GRPEL1: variants seen among roughly 807,000 people sequenced by gnomAD.
GRPEL1 encodes GrpE like 1, mitochondrial.
GRPEL1 carries 13 observed loss-of-function variants against 22.1 expected under a neutral mutation model. The ratio of observed to expected loss-of-function variants is 0.59; its 90% CI spans 0.38 to 0.94. The LOEUF is 0.94. GRPEL1 is among the 40% of genes least tolerant of loss of function. The pLI, the probability that GRPEL1 is intolerant of heterozygous loss-of-function variation, is 0.00. For synonymous variants in GRPEL1, 109 were observed against 105.3 expected (o/e 1.03, Z -0.21); for missense variants, 289 against 264.6 (o/e 1.09, Z -0.64).
At chr4:7,066,156 A>G (rs1471230484) in intron 1 of GRPEL1, among the ~76,000 whole-genome samples, 1 of 152,202 alleles carries the variant, frequency 6.6e-6, no homozygotes, top group Non-Finnish European at 1.5e-5. Flanking sequence ...TCTGAGAATA[A>G]GCTACATTCA....
intron 2 of GRPEL1, among the ~76,000 whole-genome samples, chr4:7,063,843 C>G (rs532523476): frequency 3.2e-4 from 48 of 152,304 alleles, no homozygotes; most frequent in Non-Finnish European, 5.9e-4. Flanking sequence ...CAAATAACAG[C>G]GTGTAAAGAT....
At position 7,064,714 on chromosome 4, in the gene GRPEL1, G is replaced by A. The variant is rs186384729; in HGVS notation, c.63-491C>T. Among the ~76,000 whole-genome samples, 355 of 152,260 alleles carry A rather than the reference G, an allele frequency of 2.3e-3. 2 individuals are homozygous for A. Among genetic ancestry groups the A allele is most frequent in the Admixed American group, 3.4e-3 (52 of 15,302 alleles). ...GGGTTTCACTATGTTGGCCAGGCTA[G>A]TCTTGATATCCTGACCTTAAGTGAT... On this transcript the variant is annotated intron_variant, in intron 1 of 3. Transcript: ENST00000264954.
chr4:7,066,429 G>T (rs999619947), intron 1 of GRPEL1, among the ~76,000 whole-genome samples: 1 of 152,180 alleles, frequency 6.6e-6, no homozygotes, highest in East Asian at 1.9e-4. Flanking sequence ...CACAAAACAG[G>T]ATCCTATTTT....
chr4:7,060,684 C>G lies in GRPEL1; in HGVS notation c.*178G>C. The G allele has an allele frequency of 3.1e-6, 2 of 641,474 alleles. No homozygotes were observed. The highest frequency in any genetic ancestry group is 2.6e-5 in the East Asian group (1 of 38,262). 39.7% of individuals were successfully genotyped at this position (641,474 alleles called of 1,614,324 possible). On this transcript the variant is annotated 3_prime_UTR_variant, in exon 4 of 4. Transcript: ENST00000264954. ...GCGTGGCACTAAAAGGGAACAGACT[C>G]CCGAATTAGAGTTCATTAATGCAGT...
rs747437741 is a variant in GRPEL1 at position 7,064,251 on chromosome 4, G to A, written c.63-28C>T. On this transcript the variant is annotated intron_variant, in intron 1 of 3. Coordinates refer to ENST00000264954, the MANE Select transcript of GRPEL1 (RefSeq NM_025196.4). ...ACAGGGAAGTCCACACGTGAGAAACGAAGACTTAGTTTTTGTGCTTATTAA... is the reference window on the plus strand; with the variant it reads ...ACAGGGAAGTCCACACGTGAGAAACAAAGACTTAGTTTTTGTGCTTATTAA... The A allele has an allele frequency of 1.2e-5, 19 of 1,587,072 alleles. No individual in the cohort carries two copies. In the Admixed American group the frequency reaches 2.9e-4, roughly 24 times the overall value.
intron 1 of GRPEL1, 153 bp from the exon 2 acceptor site, chr4:7,064,376 C>T (rs777641255): frequency 2.0e-5 from 13 of 656,276 alleles, no homozygotes; most frequent in East Asian, 8.6e-5. Flanking sequence ...GCACACTGTA[C>T]GTGACATATA....
Position 7,064,111 on chromosome 4 carries a change from T to C in GRPEL1, c.175A>G (p.Thr59Ala). 1 of 1,614,100 alleles carries C rather than the reference T, an allele frequency of 6.2e-7. No individual in the cohort carries two copies. The highest frequency in any genetic ancestry group is 8.5e-7 in the Non-Finnish European group (1 of 1,180,008). Residue 59 changes from threonine (T) to alanine (A), a missense_variant, in exon 2 of 4, where the codon ACC becomes GCC. Transcript: ENST00000264954. ...QKADPPATEK[T>A]LLEEKVKLEE... ...AACTTGACCTTCTCTTCCAGGAGGG[T>C]CTTCTCTGTAGCAGGAGGATCTGCC... is the stretch of plus-strand genomic sequence containing the variant.
chr4:7,065,740 G>A (rs1484052315), intron 1 of GRPEL1, among the ~76,000 whole-genome samples: 1 of 152,046 alleles, frequency 6.6e-6, no homozygotes, highest in Non-Finnish European at 1.5e-5. Context: ...GAAAGCATGG[G>A]ATATGTACCG....
chr4:7,062,406 C>A lies in GRPEL1; in HGVS notation c.286G>T (p.Val96Leu), dbSNP rs1435770694. The change falls in exon 3 of 4, where the codon GTG (valine) becomes TTG (leucine). Residue 96 changes from valine (V) to leucine (L), a missense_variant. By Grantham distance (32) the Val-to-Leu change is conservative (BLOSUM62 1). Coordinates refer to ENST00000264954, the MANE Select transcript of GRPEL1 (RefSeq NM_025196.4). The part of the protein sequence containing the change: ...ENLRQRSQKL[V>L]EEAKLYGIQA... ...GTACCGTATAATTTTGCCTCCTCCA[C>A]CAATTTCTGGCTCCTCTGCCGTAAG... 2.5e-6 allele frequency: 4 copies of A among 1,592,458 alleles called. No individual in the cohort carries two copies. Among genetic ancestry groups the A allele is most frequent in the Non-Finnish European group, 3.4e-6 (4 of 1,163,664 alleles).
Position 7,059,412 on chromosome 4 carries a change from G to A in GRPEL1, c.*1450C>T, listed in dbSNP as rs539710202. ...ACTTTTCTTAGCCTCCATTTAACTC[G>A]GGAGCTCCAGGGGTGATGATGCACT... On this transcript the variant is annotated 3_prime_UTR_variant, in exon 4 of 4. Transcript: ENST00000264954. 6.6e-6 allele frequency: 1 copy of A among 152,128 alleles called. No individual in the cohort carries two copies. Among genetic ancestry groups the A allele is most frequent in the Admixed American group, 6.5e-5 (1 of 15,284 alleles). The allele number at this position is 152,128 out of a possible 1,614,324, so 9.4% of individuals were successfully genotyped here.
Position 7,064,114 on chromosome 4 carries a change from T to C in GRPEL1, c.172A>G (p.Lys58Glu). The C allele has an allele frequency of 6.2e-7, 1 of 1,614,222 alleles. No individual in the cohort carries two copies. The highest frequency in any genetic ancestry group is 1.1e-5 in the South Asian group (1 of 91,080). The change falls in exon 2 of 4, where the codon AAG becomes GAG. Residue 58 changes from lysine to glutamate, a missense_variant. Physicochemically the swap from Lys to Glu is moderately conservative, Grantham distance 56. Transcript: ENST00000264954. ...EQKADPPATE[K>E]TLLEEKVKLE... The stretch of plus-strand genomic sequence containing the variant: ...TTGACCTTCTCTTCCAGGAGGGTCT[T>C]CTCTGTAGCAGGAGGATCTGCCTTC...
At chr4:7,062,275 G>GT in intron 3 of GRPEL1, 110 bp downstream of exon 3, 33 of 345,206 alleles carry the variant, frequency 9.6e-5, no homozygotes, top group East Asian at 1.5e-4. Flanking sequence ...GCAACAGCTG[G>GT]ACCCCCCACC....
rs1724108267 is a variant in GRPEL1 at position 7,064,231 on chromosome 4, G to GA, written c.63-9dup. 1 of 1,610,462 alleles carries GA rather than the reference G, an allele frequency of 6.2e-7. No homozygotes were observed. Reference sequence around the variant, plus strand: ...AACAACCGGGGAGATGGCCTACAGGGAAGTCCACACGTGAGAAACGAAGAC... The same window carrying GA: ...AACAACCGGGGAGATGGCCTACAGGGAAAGTCCACACGTGAGAAACGAAGAC... On this transcript the variant is annotated splice_polypyrimidine_tract_variant and intron_variant, in intron 1 of 3. Coordinates refer to ENST00000264954, the MANE Select transcript of GRPEL1 (RefSeq NM_025196.4).
intron 3 of GRPEL1, 130 bp downstream of exon 3, chr4:7,062,255 T>C (rs1577221208): frequency 2.3e-6 from 1 of 437,158 alleles, no homozygotes; most frequent in East Asian, 3.9e-5. Context: ...TAAAAAAAAA[T>C]GCAGGGGATG....
At chr4:7,066,722 C>T (rs1724177952) in intron 1 of GRPEL1, among the ~76,000 whole-genome samples, 1 of 152,202 alleles carries the variant, frequency 6.6e-6, no homozygotes, top group Non-Finnish European at 1.5e-5. Context: ...ACAGCCAACA[C>T]AAAGTGTGGC....
At chr4:7,062,101 A>G in intron 3 of GRPEL1, 1 of 228,830 alleles carries the variant, frequency 4.4e-6, no homozygotes, top group Non-Finnish European at 8.4e-6. Flanking sequence ...CGGAGGGCTA[A>G]GGGGATGGGC....
intron 2 of GRPEL1, among the ~76,000 whole-genome samples, chr4:7,062,749 T>C (rs763291045): frequency 3.9e-5 from 6 of 152,076 alleles, no homozygotes; most frequent in Non-Finnish European, 8.8e-5. Flanking sequence ...CCTGACCTTG[T>C]GATCCGACCG....
In GRPEL1 at chr4:7,060,238, A is replaced by C. The variant is rs1226336883; in HGVS notation, c.*624T>G. 1 of 152,860 alleles carries C rather than the reference A, an allele frequency of 6.5e-6. No homozygotes were observed. The highest frequency in any genetic ancestry group is 2.4e-5 in the African/African-American group (1 of 41,450). 9.5% of individuals were successfully genotyped at this position (152,860 alleles called of 1,614,324 possible). ...ATATGTCTGCATTTAGATGAACAGA[A>C]CAGGGTAAAAGGAACTTTGCCAAGC... On this transcript the variant is annotated 3_prime_UTR_variant, in exon 4 of 4. Coordinates refer to ENST00000264954, the MANE Select transcript of GRPEL1 (RefSeq NM_025196.4).
At chr4:7,067,693 G>C in intron 1 of GRPEL1, 1 of 510,932 alleles carries the variant, frequency 2.0e-6, no homozygotes, top group East Asian at 3.5e-5. Context: ...GCGCACGTGG[G>C]CCACCGTACC....
Sources: allele counts gnomAD v4.1 joint callset (sites outside exome capture counted in the v4.1 genomes callset), GRCh38; gene constraint gnomAD v4.1.1; transcripts MANE v1.5; gene names NCBI Gene and HGNC (gene_info 2026-07-23, HGNC 2026-07-21).